Variants in PSAP observed in about 807,000 individuals in gnomAD.
The protein encoded by PSAP is precursor of saposins.
PSAP carries 25 observed loss-of-function variants against 66.0 expected under a neutral mutation model. That is an observed-to-expected ratio of 0.38 (90% CI 0.28 to 0.53). The LOEUF (loss-of-function observed/expected upper bound fraction) is 0.53. Ranked by LOEUF, PSAP falls within the 20% of genes least tolerant of loss-of-function variation. PSAP has a pLI of 0.83. For synonymous variants in PSAP, 273 were observed against 258.9 expected (o/e 1.05, Z -0.52); for missense variants, 649 against 668.8 (o/e 0.97, Z 0.33).
At chr10:71,839,399 C>T (rs537320298) in intron 1 of PSAP, among the ~76,000 whole-genome samples, 2 of 152,152 alleles carry the variant, frequency 1.3e-5, no homozygotes, top group South Asian at 4.2e-4. Context: ...GCCACCATGC[C>T]CAGCTAATTT....
chr10:71,823,181 C>A (rs561108162), intron 7 of PSAP, among the ~76,000 whole-genome samples: 87 of 152,252 alleles, frequency 5.7e-4, no homozygotes, highest in African/African-American at 2.1e-3. Flanking sequence ...CTAATCCTAG[C>A]AGATGGATGC....
chr10:71,823,926 G>T, intron 7 of PSAP: 1 of 1,291,566 alleles, frequency 7.7e-7, no homozygotes, highest in Non-Finnish European at 1.0e-6. Context: ...GAAATCGGAG[G>T]TGAAAATAAG....
chr10:71,830,642 A>G (rs1043175514), intron 4 of PSAP, among the ~76,000 whole-genome samples: 1 of 152,216 alleles, frequency 6.6e-6, no homozygotes, highest in Admixed American at 6.5e-5. Flanking sequence ...AGGCCTTTCC[A>G]AATTCCACAA....
chr10:71,833,464 A>C (rs1842559819), intron 2 of PSAP, among the ~76,000 whole-genome samples: 1 of 152,184 alleles, frequency 6.6e-6, no homozygotes, highest in Non-Finnish European at 1.5e-5. Flanking sequence ...CCTCCAAAAA[A>C]AAGGGCAAGT....
intron 2 of PSAP, among the ~76,000 whole-genome samples, chr10:71,832,730 TGGAACCATATCAAGAGAGGGCCG>T (rs1158002743): frequency 6.6e-6 from 1 of 152,006 alleles, no homozygotes; most frequent in Non-Finnish European, 1.5e-5. Context: ...GTACTGTGCA[TGGAACCATATCAAGAGAGGGCCG>T]GGCCGGGCGT....
intron 13 of PSAP, among the ~76,000 whole-genome samples, chr10:71,817,928 C>A (rs1249503990): frequency 6.6e-6 from 1 of 152,236 alleles, no homozygotes; most frequent in Non-Finnish European, 1.5e-5. Context: ...TGGAGATGGG[C>A]TGGAGCCTAG....
At chr10:71,828,693 TTTAA>T (rs1842446646) in intron 5 of PSAP, among the ~76,000 whole-genome samples, 180 bp downstream of exon 5, 1 of 152,152 alleles carries the variant, frequency 6.6e-6, no homozygotes, top group Admixed American at 6.5e-5. Flanking sequence ...CTTTGCATAT[TTTAA>T]ATATCCCATT....
intron 1 of PSAP, among the ~76,000 whole-genome samples, chr10:71,836,405 G>A (rs1277216012): frequency 6.6e-6 from 1 of 152,148 alleles, no homozygotes; most frequent in Admixed American, 6.6e-5. Context: ...TCTGGGGACT[G>A]TGCGGTCACA....
chr10:71,848,033 C>A (rs988829706), intron 1 of PSAP, among the ~76,000 whole-genome samples: 1 of 152,242 alleles, frequency 6.6e-6, no homozygotes, highest in Non-Finnish European at 1.5e-5. Flanking sequence ...CACCATCCCT[C>A]ATGCCTTACA....
At chr10:71,844,505 A>C (rs1391524634) in intron 1 of PSAP, among the ~76,000 whole-genome samples, 1 of 152,120 alleles carries the variant, frequency 6.6e-6, no homozygotes, top group Non-Finnish European at 1.5e-5. Flanking sequence ...GTGTGTACTA[A>C]AAATACAAAC....
intron 7 of PSAP, chr10:71,822,786 G>A: frequency 3.0e-6 from 1 of 338,042 alleles, no homozygotes; most frequent in East Asian, 8.0e-5. Context: ...CCCTAAAGCA[G>A]CAGGAACAAA....
At chr10:71,820,020 A>G (rs2133032277) in intron 9 of PSAP, 120 bp from the exon 10 acceptor site, 3 of 1,001,132 alleles carry the variant, frequency 3.0e-6, no homozygotes, top group South Asian at 2.7e-5. Flanking sequence ...TCCACCCACA[A>G]AAAACTACCA....
chr10:71,841,666 T>C (rs1222418726), intron 1 of PSAP, among the ~76,000 whole-genome samples: 3 of 151,484 alleles, frequency 2.0e-5, no homozygotes, highest in African/African-American at 7.3e-5. Context: ...AGCCCTGGAG[T>C]TCAAGACCAG....
chr10:71,819,549 G>T lies in PSAP; in HGVS notation c.1266C>A (p.Asn422Lys), dbSNP rs371197152. The change falls in exon 11 of 14, where the codon AAC (asparagine) becomes AAA (lysine). Residue 422 changes from asparagine to lysine, a missense_variant. Transcript: ENST00000394936. Reference protein sequence around the residue: ...CKKLVGYLDRNLEKNSTKQEI... With the variant: ...CKKLVGYLDRKLEKNSTKQEI... ...CCTGCTTGGTGCTGTTTTTCTCCAG[G>T]TTGCGATCCAAATAACCCACCAGCT... 5.6e-6 allele frequency: 9 copies of T among 1,614,204 alleles called. No homozygotes were observed. Among genetic ancestry groups the T allele is most frequent in the Non-Finnish European group, 6.8e-6 (8 of 1,180,040 alleles).
chr10:71,832,087 A>C (rs1842532888), intron 2 of PSAP, among the ~76,000 whole-genome samples, 167 bp from the exon 3 acceptor site: 1 of 152,122 alleles, frequency 6.6e-6, no homozygotes, highest in Non-Finnish European at 1.5e-5. Context: ...GCGCTGGGGC[A>C]CGGCAGGGAG....
At chr10:71,838,491 G>A (rs1280510307) in intron 1 of PSAP, among the ~76,000 whole-genome samples, 4 of 152,222 alleles carry the variant, frequency 2.6e-5, no homozygotes, top group Non-Finnish European at 5.9e-5. Flanking sequence ...GTGTGGAGCT[G>A]GTATGAGTGG....
chr10:71,838,073 C>A (rs1842660887), intron 1 of PSAP, among the ~76,000 whole-genome samples: 1 of 152,164 alleles, frequency 6.6e-6, no homozygotes, highest in Non-Finnish European at 1.5e-5. Context: ...TGGGTCTCAA[C>A]CACCCAGGCA....
At chr10:71,827,902 A>G in intron 6 of PSAP, 112 bp downstream of exon 6, 1 of 1,458,740 alleles carries the variant, frequency 6.9e-7, no homozygotes, top group East Asian at 2.4e-5. Flanking sequence ...TACCTATTCA[A>G]GCTGCTTTCT....
At position 71,829,055 on chromosome 10, in the gene PSAP, G is replaced by C. The variant is rs754052791; in HGVS notation, c.398C>G (p.Ser133Cys). ...GAGAGACTCGCAGAGGTTGAGAGCA[G>C]AGCACACCTCCCCAGGACGGCTCTG... ...GEMSRPGEVCSALNLCESLQK... is the reference protein window; with the variant it reads ...GEMSRPGEVCCALNLCESLQK... The change falls in exon 5 of 14, where the codon TCT becomes TGT. Residue 133 changes from serine to cysteine, a missense_variant. Ser to Cys is a moderately radical substitution (Grantham distance 112, BLOSUM62 -1). Coordinates refer to ENST00000394936, the MANE Select transcript of PSAP (RefSeq NM_002778.4). 2 of 1,614,120 alleles carry C rather than the reference G, an allele frequency of 1.2e-6. No individual in the cohort carries two copies. The highest frequency in any genetic ancestry group is 1.7e-6 in the Non-Finnish European group (2 of 1,180,010).
Sources: gnomAD v4.1 joint callset for allele counts (sites outside exome capture counted in the v4.1 genomes callset) on GRCh38, gnomAD v4.1.1 for gene constraint, MANE v1.5 for transcripts, NCBI Gene and HGNC (gene_info 2026-07-23, HGNC 2026-07-21) for gene names.